Variants in LRIG3 observed in about 807,000 individuals in gnomAD.
The protein encoded by LRIG3 is leucine-rich repeats and immunoglobulin-like domains protein 3.
A neutral mutation model predicts 114.5 loss-of-function variants in LRIG3; 76 were observed. That is an observed-to-expected ratio of 0.66 (90% CI 0.55 to 0.80). LRIG3 has a LOEUF of 0.80. Ranked by LOEUF, LRIG3 falls within the 30% of genes least tolerant of loss-of-function variation. LRIG3 has a pLI of 0.00. For missense variants in LRIG3, 1,239 were observed against 1,382.8 expected, an observed-to-expected ratio of 0.90 and a Z score of 1.65; for synonymous variants, 512 against 519.8, an observed-to-expected ratio of 0.98 and a Z score of 0.20.
At chr12:58,902,076 G>A (rs1416429128) in intron 3 of LRIG3, among the ~76,000 whole-genome samples, 1 of 152,086 alleles carries the variant, frequency 6.6e-6, no homozygotes, top group Admixed American at 6.5e-5. Flanking sequence ...CATGGCAACT[G>A]TACTGAGGAA....
chr12:58,894,122 C>T (rs879170227), intron 3 of LRIG3, among the ~76,000 whole-genome samples: 4 of 152,098 alleles, frequency 2.6e-5, no homozygotes, highest in Admixed American at 2.6e-4. Context: ...ACTTGAGTGA[C>T]GAATAAAATT....
intron 3 of LRIG3, among the ~76,000 whole-genome samples, chr12:58,909,036 A>G (rs1377048295): frequency 6.6e-6 from 1 of 152,048 alleles, no homozygotes; most frequent in Non-Finnish European, 1.5e-5. Flanking sequence ...AAACACACAC[A>G]ACTCCCTCCC....
intron 12 of LRIG3, among the ~76,000 whole-genome samples, chr12:58,881,665 G>C (rs1005322805): frequency 3.3e-5 from 5 of 152,172 alleles, no homozygotes; most frequent in Admixed American, 2.6e-4. Context: ...AACCCAGAAG[G>C]AAACATCTGA....
chr12:58,889,953 T>G (rs762399967), intron 5 of LRIG3, 43 bp downstream of exon 5: 2 of 1,598,802 alleles, frequency 1.3e-6, no homozygotes, highest in Admixed American at 1.7e-5. Flanking sequence ...ACCAAGGGTT[T>G]GGAGGAGGTG....
At chr12:58,902,631 C>CATAT (rs1218450163) in intron 3 of LRIG3, among the ~76,000 whole-genome samples, 4 of 150,814 alleles carry the variant, frequency 2.7e-5, no homozygotes, top group Non-Finnish European at 5.9e-5. Context: ...GTGCAGGCTA[C>CATAT]ATATATATAC....
At chr12:58,919,943 T>G in intron 1 of LRIG3, 57 bp downstream of exon 1, 1 of 1,489,132 alleles carries the variant, frequency 6.7e-7, no homozygotes, top group Non-Finnish European at 9.2e-7. Context: ...CGCCGGCTCC[T>G]GTTTTCTCGA....
chr12:58,904,778 T>C (rs1270939381), intron 3 of LRIG3, among the ~76,000 whole-genome samples: 1 of 152,142 alleles, frequency 6.6e-6, no homozygotes, highest in African/African-American at 2.4e-5. Context: ...GCATCCACCA[T>C]GGGCCAGGCA....
chr12:58,897,960 TC>T (rs1871702315), intron 3 of LRIG3, among the ~76,000 whole-genome samples: 1 of 152,274 alleles, frequency 6.6e-6, no homozygotes, highest in South Asian at 2.1e-4. Flanking sequence ...TATCTTTGGT[TC>T]CCCAGAATTC....
chr12:58,904,584 G>A (rs1290444824), intron 3 of LRIG3, among the ~76,000 whole-genome samples: 1 of 152,080 alleles, frequency 6.6e-6, no homozygotes, highest in Non-Finnish European at 1.5e-5. Context: ...GAATTTTACG[G>A]GCTTCAAGAA....
chr12:58,907,879 A>G (rs1331451880), intron 3 of LRIG3, among the ~76,000 whole-genome samples: 2 of 151,966 alleles, frequency 1.3e-5, no homozygotes, highest in South Asian at 2.1e-4. Context: ...GGGGATTGAG[A>G]GCTCGCTAAG....
intron 3 of LRIG3, among the ~76,000 whole-genome samples, chr12:58,911,697 A>G (rs1187813157): frequency 1.3e-5 from 2 of 152,172 alleles, no homozygotes; most frequent in Non-Finnish European, 2.9e-5. Context: ...GCATTTAAGA[A>G]CTCATTTTTA....
At chr12:58,889,488 C>T (rs1158408207) in intron 5 of LRIG3, among the ~76,000 whole-genome samples, 2 of 151,874 alleles carry the variant, frequency 1.3e-5, no homozygotes, top group Non-Finnish European at 2.9e-5. Flanking sequence ...CCTTAGAGGT[C>T]CTAATATAAT....
intron 3 of LRIG3, among the ~76,000 whole-genome samples, chr12:58,899,075 G>T (rs1261297868): frequency 6.6e-6 from 1 of 152,218 alleles, no homozygotes; most frequent in Non-Finnish European, 1.5e-5. Flanking sequence ...TTGGTGGGCA[G>T]GGGCTTCTGG....
At chr12:58,901,113 T>C (rs965915653) in intron 3 of LRIG3, among the ~76,000 whole-genome samples, 15 of 152,188 alleles carry the variant, frequency 9.9e-5, no homozygotes, top group African/African-American at 3.6e-4. Flanking sequence ...AAGATGAGAA[T>C]TGAGCTGGGA....
intron 3 of LRIG3, among the ~76,000 whole-genome samples, chr12:58,903,389 A>G (rs12823121): frequency 1.3e-5 from 2 of 152,116 alleles, no homozygotes; most frequent in African/African-American, 4.8e-5. Context: ...GTCTGTTCAT[A>G]TCCTTTGCCC....
intron 3 of LRIG3, among the ~76,000 whole-genome samples, chr12:58,897,218 T>C (rs1430093498): frequency 1.3e-5 from 2 of 152,206 alleles, no homozygotes; most frequent in African/African-American, 2.4e-5. Flanking sequence ...AGGAAACTTG[T>C]GTAAGGAGAC....
chr12:58,873,968 T>G (rs771048540), intron 18 of LRIG3, 87 bp downstream of exon 18: 1 of 1,470,218 alleles, frequency 6.8e-7, no homozygotes, highest in Admixed American at 1.9e-5. Context: ...TTTTACCAGT[T>G]TGACATTCAA....
intron 12 of LRIG3, 52 bp downstream of exon 12, chr12:58,882,817 G>A: frequency 2.0e-6 from 3 of 1,518,776 alleles, no homozygotes; most frequent in Non-Finnish European, 2.7e-6. Flanking sequence ...GGATAAATGG[G>A]AGGGGGAAAA....
At chr12:58,918,289 C>A (rs553198387) in intron 1 of LRIG3, among the ~76,000 whole-genome samples, 1 of 152,162 alleles carries the variant, frequency 6.6e-6, no homozygotes, top group Non-Finnish European at 1.5e-5. Flanking sequence ...AGTGTGCCAC[C>A]AAATTATCTG....
Sources: allele counts gnomAD v4.1 joint callset (sites outside exome capture counted in the v4.1 genomes callset), GRCh38; gene constraint gnomAD v4.1.1; transcripts MANE v1.5; gene names NCBI Gene and HGNC (gene_info 2026-07-23, HGNC 2026-07-21).